PPM1G: variants seen among roughly 807,000 people sequenced by gnomAD.
PPM1G encodes the protein protein phosphatase 1G.
In PPM1G, 12 loss-of-function variants were observed where a neutral mutation model predicts 59.4. The ratio of observed to expected loss-of-function variants is 0.20; its 90% confidence interval spans 0.13 to 0.33. The LOEUF is 0.33. PPM1G is among the 10% of genes least tolerant of loss of function. The probability of loss-of-function intolerance (pLI) is 1.00; values close to 1 mark genes in which losing one functional copy is unlikely to be tolerated. For missense variants in PPM1G, 392 were observed against 681.3 expected, an observed-to-expected ratio of 0.58 and a Z score of 4.73; for synonymous variants, 245 against 251.9, an observed-to-expected ratio of 0.97 and a Z score of 0.26.
chr2:27,403,873 T>TAA (rs1232588439), intron 1 of PPM1G, among the ~76,000 whole-genome samples: 1 of 141,276 alleles, frequency 7.1e-6, no homozygotes, highest in Non-Finnish European at 1.6e-5. Flanking sequence ...AGACTCTGTC[T>TAA]AAAAAAAAAA....
At chr2:27,389,518 C>T (rs1331275569) in intron 1 of PPM1G, among the ~76,000 whole-genome samples, 2 of 152,134 alleles carry the variant, frequency 1.3e-5, no homozygotes, top group Non-Finnish European at 2.9e-5. Flanking sequence ...ATAACCTTTA[C>T]CCACACCTTT....
At chr2:27,393,163 T>C in intron 1 of PPM1G, 1 of 1,455,610 alleles carries the variant, frequency 6.9e-7, no homozygotes. Flanking sequence ...TTCATCAATT[T>C]CTCAGCATGT....
intron 1 of PPM1G, among the ~76,000 whole-genome samples, chr2:27,407,991 G>A (rs972590813): frequency 6.6e-6 from 1 of 151,818 alleles, no homozygotes; most frequent in Non-Finnish European, 1.5e-5. Flanking sequence ...AGGTTGCGGT[G>A]AGCCGAGATC....
Position 27,384,809 on chromosome 2 carries a change from G to C in PPM1G, c.689C>G (p.Pro230Arg), listed in dbSNP as rs1289805678. The change falls in exon 5 of 10, where the codon CCT becomes CGT. Residue 230 changes from proline to arginine, a missense_variant. This residue lies in a region of PPM1G where 188 missense variants were observed against 248.8 expected (regional missense o/e 0.76). Transcript: ENST00000344034. The surrounding 1 kb of genome is among the most constrained non-coding windows in gnomAD (Gnocchi z 4.8). ...RGTEAGQVGE[P>R]GIPTGEAGPS... ...CCCAGCCTCACCAGTGGGAATGCCA[G>C]GCTCACCAACTTGGCCTGCCTCAGT... The C allele has an allele frequency of 1.2e-6, 2 of 1,614,248 alleles. No homozygotes were observed. The highest frequency in any genetic ancestry group is 2.2e-5 in the East Asian group (1 of 44,888).
intron 1 of PPM1G, among the ~76,000 whole-genome samples, chr2:27,400,393 C>A (rs1684155429): frequency 6.6e-6 from 1 of 152,008 alleles, no homozygotes; most frequent in Non-Finnish European, 1.5e-5. Context: ...CAGAGGGAGA[C>A]CCTGTCCCCA....
intron 1 of PPM1G, among the ~76,000 whole-genome samples, chr2:27,395,939 A>G (rs1212827430): frequency 6.6e-6 from 1 of 152,164 alleles, no homozygotes; most frequent in African/African-American, 2.4e-5. Flanking sequence ...ATTCTTGTGT[A>G]CTGTTGGTGG....
At chr2:27,407,777 G>A (rs543585855) in intron 1 of PPM1G, among the ~76,000 whole-genome samples, 108 of 152,210 alleles carry the variant, frequency 7.1e-4, no homozygotes, top group Non-Finnish European at 1.4e-3. Context: ...CGCAGGGTGT[G>A]GTGGTTCATG....
At chr2:27,391,055 C>G (rs1683888010) in intron 1 of PPM1G, among the ~76,000 whole-genome samples, 1 of 152,150 alleles carries the variant, frequency 6.6e-6, no homozygotes, top group Non-Finnish European at 1.5e-5. Flanking sequence ...TGGCTATGTA[C>G]CATATTTTCT....
chr2:27,381,856 G>T, intron 9 of PPM1G, 51 bp from the exon 10 acceptor site: 1 of 1,566,330 alleles, frequency 6.4e-7, no homozygotes. Context: ...CACCTTGCCA[G>T]GAATCTACAG....
chr2:27,384,931 C>T lies in PPM1G; in HGVS notation c.567G>A (p.Glu189=), dbSNP rs1683726703. Residue 189 remains glutamate, a synonymous_variant, in exon 5 of 10, where the codon GAG becomes GAA. Coordinates refer to ENST00000344034, the MANE Select transcript of PPM1G (RefSeq NM_177983.3). The surrounding 1 kb of genome is among the most constrained non-coding windows in gnomAD (Gnocchi z 4.8). ...EEPGSQGLNG[E]AGPEDSTRET... ...CCCTAGTTGAGTCCTCAGGTCCTGC[C>T]TCCCCATTGAGGCCCTGGGACCCTG... 6.2e-7 allele frequency: 1 copy of T among 1,614,092 alleles called. No homozygotes were observed. Among genetic ancestry groups the T allele is most frequent in the South Asian group, 1.1e-5 (1 of 91,086 alleles).
chr2:27,400,740 G>A (rs935038258), intron 1 of PPM1G, among the ~76,000 whole-genome samples: 1 of 152,206 alleles, frequency 6.6e-6, no homozygotes, highest in Non-Finnish European at 1.5e-5. Context: ...CATCAACTAA[G>A]TGAGGAAGGT....
At chr2:27,387,703 G>C (rs1300523505) in intron 1 of PPM1G, among the ~76,000 whole-genome samples, 1 of 152,138 alleles carries the variant, frequency 6.6e-6, no homozygotes, top group Non-Finnish European at 1.5e-5. Context: ...GTTTCACCAT[G>C]TTGGTCAGGC....
In PPM1G at chr2:27,381,458, TTG is replaced by T. The variant is rs1683624581; in HGVS notation, c.*139_*140del. The T allele has an allele frequency of 1.1e-6, 1 of 883,302 alleles. No individual in the cohort carries two copies. Among genetic ancestry groups the T allele is most frequent in the Non-Finnish European group, 1.8e-6 (1 of 561,816 alleles). 54.7% of individuals were successfully genotyped at this position (883,302 alleles called of 1,614,324 possible). ...CTGCAGTGTGGAGGGAGAGCCCTCT[TTG>T]GAATGGGCGGAGTGAAGCCACCCAG... On this transcript the variant is annotated 3_prime_UTR_variant, in exon 10 of 10. Transcript: ENST00000344034.
intron 1 of PPM1G, among the ~76,000 whole-genome samples, chr2:27,395,237 A>C (rs2148423883): frequency 6.7e-6 from 1 of 149,386 alleles, no homozygotes; most frequent in East Asian, 1.9e-4. Flanking sequence ...CTGTCTCAAA[A>C]AAAAAAAAAA....
At position 27,401,447 on chromosome 2, in the gene PPM1G, T is replaced by C. The variant is rs533140964; in HGVS notation, c.120+7856A>G. Reference sequence around the variant, plus strand: ...ATGCCAGGGGTTAGTGGACGGAAGATAGGGAGTGACTGGTAAAGAGTACAG... The same window carrying C: ...ATGCCAGGGGTTAGTGGACGGAAGACAGGGAGTGACTGGTAAAGAGTACAG... On this transcript the variant is annotated intron_variant, in intron 1 of 9. Transcript: ENST00000344034. Among the ~76,000 whole-genome samples, 17 of 152,248 alleles carry C rather than the reference T, an allele frequency of 1.1e-4. 1 individual carries two copies. The Middle Eastern group carries it at 0.01, about 91-fold the overall frequency.
chr2:27,407,720 T>C (rs991553488), intron 1 of PPM1G, among the ~76,000 whole-genome samples: 3 of 152,198 alleles, frequency 2.0e-5, no homozygotes, highest in African/African-American at 7.2e-5. Flanking sequence ...CAAAACAGTG[T>C]CCTAACCTTT....
chr2:27,393,314 C>T, intron 1 of PPM1G: 1 of 1,598,188 alleles, frequency 6.3e-7, no homozygotes, highest in Non-Finnish European at 8.5e-7. Flanking sequence ...TGATGGCGGC[C>T]TCTGAGTCTT....
intron 1 of PPM1G, among the ~76,000 whole-genome samples, chr2:27,406,629 C>G (rs1286054873): frequency 2.0e-5 from 3 of 152,118 alleles, no homozygotes; most frequent in African/African-American, 7.2e-5. Flanking sequence ...AAATCATTTT[C>G]TAATTGAGGA....
intron 1 of PPM1G, among the ~76,000 whole-genome samples, chr2:27,395,416 C>G (rs988405325): frequency 6.6e-6 from 1 of 152,016 alleles, no homozygotes; most frequent in Non-Finnish European, 1.5e-5. Context: ...GTAATCCCAG[C>G]TTCTCAGGAG....
Sources: allele counts gnomAD v4.1 joint callset (sites outside exome capture counted in the v4.1 genomes callset), GRCh38; gene constraint gnomAD v4.1.1; regional missense constraint gnomAD v4.1.1; non-coding constraint Gnocchi (gnomAD v3.1); transcripts MANE v1.5; gene names NCBI Gene and HGNC (gene_info 2026-07-23, HGNC 2026-07-21).